The following ADAMTS10 variants were observed in gnomAD, a reference collection of about 807,000 sequenced individuals.
The protein encoded by ADAMTS10 is A disintegrin and metalloproteinase with thrombospondin motifs 10.
Under a neutral mutation model 135.9 loss-of-function variants are expected in ADAMTS10, and 48 were observed. The observed-to-expected ratio is 0.35, with a 90% CI of 0.28 to 0.45. The LOEUF (loss-of-function observed/expected upper bound fraction) is 0.45. ADAMTS10 is among the 20% of genes least tolerant of loss of function. ADAMTS10 has a pLI of 1.00. For missense variants in ADAMTS10, 1,131 were observed against 1,565.2 expected, an observed-to-expected ratio of 0.72 and a Z score of 4.68; for synonymous variants, 621 against 647.5, an observed-to-expected ratio of 0.96 and a Z score of 0.62.
At chr19:8,592,896 C>T (rs2042559335) in intron 12 of ADAMTS10, 26 bp from the exon 13 acceptor site, 1 of 1,597,184 alleles carries the variant, frequency 6.3e-7, no homozygotes, top group Non-Finnish European at 8.5e-7. Context: ...CCCGCTCAGG[C>T]TCGCCCCCCT....
chr19:8,584,154 C>CAAA (rs34412373), intron 25 of ADAMTS10, among the ~76,000 whole-genome samples: 24 of 44,846 alleles, frequency 5.4e-4, no homozygotes, highest in Non-Finnish European at 5.8e-4. Flanking sequence ...GACTCCATCT[C>CAAA]AAAAAAAAAA....
chr19:8,592,307 G>T, intron 13 of ADAMTS10: 1 of 1,034,742 alleles, frequency 9.7e-7, no homozygotes, highest in Non-Finnish European at 1.4e-6. Context: ...GGCGTGGCCT[G>T]AGCACAGGGT....
At position 8,586,176 on chromosome 19, in the gene ADAMTS10, T is replaced by C. The variant is rs1555737099; in HGVS notation, c.2606A>G (p.His869Arg). Residue 869 changes from histidine to arginine, a missense_variant, in exon 22 of 26, where the codon CAC becomes CGC. Around this residue, in one of 3 missense-constraint regions of ADAMTS10, gnomAD observed 745 missense variants for 1,056.3 expected, o/e 0.71. Transcript: ENST00000597188. Reference sequence around the variant, plus strand: ...GCGCTGCCTTTTGGGCAGCTTGCTGTGGGCACTGCAGTAGTGGGGGGCGAC... The same window carrying C: ...GCGCTGCCTTTTGGGCAGCTTGCTGCGGGCACTGCAGTAGTGGGGGGCGAC... Reference protein sequence around the residue: ...SAVAPHYCSAHSKLPKRQRAC... With the variant: ...SAVAPHYCSARSKLPKRQRAC... The C allele has an allele frequency of 6.2e-7, 1 of 1,613,116 alleles. No homozygotes were observed. The highest frequency in any genetic ancestry group is 1.7e-5 in the Admixed American group (1 of 60,018).
chr19:8,601,520 C>T lies in ADAMTS10; in HGVS notation c.593-375G>A, dbSNP rs1423887434. Among the ~76,000 whole-genome samples the T allele has an allele frequency of 3.3e-5, 5 of 151,966 alleles. No homozygotes were observed. The highest frequency in any genetic ancestry group is 7.3e-5 in the African/African-American group (3 of 41,362). On this transcript the variant is annotated intron_variant, in intron 5 of 25. Coordinates refer to ENST00000597188, the MANE Select transcript of ADAMTS10 (RefSeq NM_030957.4). The surrounding 1 kb of genome is among the most constrained non-coding windows in gnomAD (Gnocchi z 4.6). The stretch of plus-strand genomic sequence containing the variant: ...GGGATGACAGGCATGTGCCACTATG[C>T]CTGGCTAATTTTTGTATTTTTAATT...
At chr19:8,581,743 G>A (rs971955450) in intron 25 of ADAMTS10, among the ~76,000 whole-genome samples, 1 of 151,910 alleles carries the variant, frequency 6.6e-6, no homozygotes, top group Non-Finnish European at 1.5e-5. Flanking sequence ...CCTGAGGCAG[G>A]AGAATTGCCT....
chr19:8,585,606 G>A lies in ADAMTS10; in HGVS notation c.2715C>T (p.Arg905=), dbSNP rs1555736857. The A allele has an allele frequency of 6.2e-7, 1 of 1,611,288 alleles. No homozygotes were observed. Residue 905 remains arginine (R), a synonymous_variant, in exon 23 of 26, where the codon CGC becomes CGT. Coordinates refer to ENST00000597188, the MANE Select transcript of ADAMTS10 (RefSeq NM_030957.4). ...GGCGCTGGCACACGACCGAGCGGCT[G>A]CGCACGCCTGCATCGCAGCTGCGGC... ...LCSRSCDAGV[R]SRSVVCQRRV... is the part of the protein sequence containing the mutation.
intron 18 of ADAMTS10, among the ~76,000 whole-genome samples, chr19:8,587,333 CTT>C (rs559435857): frequency 3.9e-5 from 3 of 77,464 alleles, no homozygotes; most frequent in Admixed American, 2.0e-4. Context: ...ACTAAAAAAC[CTT>C]TTTTTTTTTT....
intron 25 of ADAMTS10, among the ~76,000 whole-genome samples, chr19:8,584,032 C>T (rs1469021992): frequency 6.7e-6 from 1 of 148,276 alleles, no homozygotes; most frequent in African/African-American, 2.5e-5. Flanking sequence ...TGGCGGGCAC[C>T]TGTACTCCCA....
chr19:8,586,723 T>G lies in ADAMTS10; in HGVS notation c.2240-2A>C. On this transcript the variant is annotated splice_acceptor_variant, in intron 19 of 25. Transcript: ENST00000597188. LOFTEE classifies it high-confidence loss of function. ...GGGACTCCTGGTCTCCCTTCAGGGC[T>G]GGGGGACGATGCAGGGTTCAGAATT... The G allele has an allele frequency of 6.2e-7, 1 of 1,614,106 alleles. No homozygotes were observed. The highest frequency in any genetic ancestry group is 8.5e-7 in the Non-Finnish European group (1 of 1,180,008).
chr19:8,590,064 A>G, intron 15 of ADAMTS10, 73 bp from the exon 16 acceptor site: 1 of 1,088,634 alleles, frequency 9.2e-7, no homozygotes, highest in Non-Finnish European at 1.4e-6. Flanking sequence ...GTGCTCAGAG[A>G]AAGATGGGCT....
rs2042334813 is a variant in ADAMTS10, at chr19:8,580,836, G to A, written c.*57C>T. On this transcript the variant is annotated 3_prime_UTR_variant, in exon 26 of 26. Transcript: ENST00000597188. ...CCCCGGGGCCCCCTCTGGCCGGCCC[G>A]CTGCAGGGCTGGCGGCGGAGACCCC... 1.4e-6 allele frequency: 2 copies of A among 1,436,888 alleles called. No homozygotes were observed. The highest frequency in any genetic ancestry group is 1.9e-6 in the Non-Finnish European group (2 of 1,049,240). 89.0% of individuals were successfully genotyped at this position (1,436,888 alleles called of 1,614,324 possible).
intron 25 of ADAMTS10, chr19:8,582,688 C>A (rs1342862001): frequency 1.4e-5 from 2 of 145,770 alleles, no homozygotes; most frequent in African/African-American, 2.5e-5. Flanking sequence ...TTTTTTTGGT[C>A]GCCCAGGCTG....
intron 25 of ADAMTS10, among the ~76,000 whole-genome samples, chr19:8,582,942 G>A (rs370027793): frequency 1.3e-5 from 2 of 152,164 alleles, no homozygotes; most frequent in East Asian, 1.9e-4. Flanking sequence ...GAGCCACCAC[G>A]CCCAGCCTAA....
chr19:8,586,032 C>G (rs1392232323), intron 22 of ADAMTS10, 90 bp downstream of exon 22: 3 of 1,593,100 alleles, frequency 1.9e-6, no homozygotes, highest in African/African-American at 2.7e-5. Context: ...CTGCACTAAT[C>G]TGCTCCCCAC....
At position 8,585,461 on chromosome 19, in the gene ADAMTS10, A is replaced by C; in HGVS notation, c.2860T>G (p.Ser954Ala). The change falls in exon 23 of 26, where the codon TCT becomes GCT. Residue 954 changes from serine to alanine, a missense_variant. Ser to Ala is a moderately conservative substitution (Grantham distance 99, BLOSUM62 1). Around this residue, in one of 3 missense-constraint regions of ADAMTS10, gnomAD observed 745 missense variants for 1,056.3 expected, o/e 0.71. Coordinates refer to ENST00000597188, the MANE Select transcript of ADAMTS10 (RefSeq NM_030957.4). Reference sequence around the variant, plus strand: ...GAAGGAAGGGGGCGGCTGACCTCAGACCAGTCGAGGGCCGCCCACTCCGGA... The same window carrying C: ...GAAGGAAGGGGGCGGCTGACCTCAGCCCAGTCGAGGGCCGCCCACTCCGGA... ...CPPEWAALDW[S>A]ECTPSCGPGL... The C allele has an allele frequency of 6.5e-7, 1 of 1,537,190 alleles. No homozygotes were observed. The highest frequency in any genetic ancestry group is 8.8e-7 in the Non-Finnish European group (1 of 1,140,840).
At chr19:8,597,650 T>A (rs966587175) in intron 6 of ADAMTS10, among the ~76,000 whole-genome samples, 1 of 151,690 alleles carries the variant, frequency 6.6e-6, no homozygotes, top group African/African-American at 2.4e-5. Flanking sequence ...TTTGTTGTTG[T>A]TGTTTTTTGA....
At chr19:8,598,397 C>T (rs2042628017) in intron 6 of ADAMTS10, among the ~76,000 whole-genome samples, 1 of 151,734 alleles carries the variant, frequency 6.6e-6, no homozygotes, top group African/African-American at 2.4e-5. Flanking sequence ...TACCAATTTG[C>T]CCATCACCAC....
At chr19:8,592,243 A>C in intron 13 of ADAMTS10, 140 bp from the exon 14 acceptor site, 1 of 948,882 alleles carries the variant, frequency 1.1e-6, no homozygotes, top group Non-Finnish European at 1.4e-6. Context: ...ACATGCGAAC[A>C]GAGTCAGGTT....
rs113016028 is a variant in ADAMTS10, at chr19:8,600,705, A to G, written c.810+223T>C. On this transcript the variant is annotated intron_variant, in intron 6 of 25. Transcript: ENST00000597188. Reference sequence around the variant, plus strand: ...AGTAGAGATGGGGTTTCACCGTGTTAGCCAGGATGGTCTCCATCTCCTGAC... The same window carrying G: ...AGTAGAGATGGGGTTTCACCGTGTTGGCCAGGATGGTCTCCATCTCCTGAC... Among the ~76,000 whole-genome samples, 1,472 of 151,918 alleles carry G rather than the reference A, an allele frequency of 9.7e-3. 30 individuals carry two copies. The highest frequency in any genetic ancestry group is 0.046 in the Admixed American group (701 of 15,240).
Sources: allele counts gnomAD v4.1 joint callset (sites outside exome capture counted in the v4.1 genomes callset), GRCh38; gene constraint gnomAD v4.1.1; regional missense constraint gnomAD v4.1.1; non-coding constraint Gnocchi (gnomAD v3.1); transcripts MANE v1.5; gene names NCBI Gene and HGNC (gene_info 2026-07-23, HGNC 2026-07-21).